RBFOX1: variants seen among roughly 807,000 people sequenced by gnomAD.
The protein encoded by RBFOX1 is RNA binding fox-1 homolog 1.
In RBFOX1, 8 loss-of-function variants were observed where a neutral mutation model predicts 57.7. The observed-to-expected ratio is 0.14, with a 90% confidence interval of 0.08 to 0.25. RBFOX1 has a LOEUF of 0.25. Among genes scored for constraint, RBFOX1 ranks in the 10% least tolerant of loss-of-function variants. The pLI is 1.00. For synonymous variants in RBFOX1, 326 were observed against 222.4 expected (o/e 1.47, Z -4.15); for missense variants, 611 against 548.5 (o/e 1.11, Z -1.14).
At chr16:6,195,872 T>G (rs2152819614) in intron 1 of RBFOX1, among the ~76,000 whole-genome samples, 1 of 152,226 alleles carries the variant, frequency 6.6e-6, no homozygotes, top group Middle Eastern at 3.4e-3. Context: ...TTTATGTGAT[T>G]TAGGAATCAT....
intron 2 of RBFOX1, among the ~76,000 whole-genome samples, chr16:6,610,580 T>G (rs543632616): frequency 6.6e-6 from 1 of 152,270 alleles, no homozygotes; most frequent in Non-Finnish European, 1.5e-5. Context: ...TCCTCCCACC[T>G]TAGCCTCCCG....
intron 2 of RBFOX1, among the ~76,000 whole-genome samples, chr16:6,413,370 C>T (rs2093526326): frequency 6.6e-6 from 1 of 151,102 alleles, no homozygotes; most frequent in African/African-American, 2.4e-5. Context: ...TGCTCTGTTG[C>T]CTTAGCTGGT....
intron 3 of RBFOX1, among the ~76,000 whole-genome samples, chr16:5,787,305 G>A (rs796775606): frequency 2.0e-5 from 3 of 152,266 alleles, no homozygotes; most frequent in Non-Finnish European, 4.4e-5. Context: ...CATCAGAGGT[G>A]TCCTCCAGTG....
chr16:7,142,582 T>C (rs1336037312), intron 4 of RBFOX1, among the ~76,000 whole-genome samples: 1 of 152,204 alleles, frequency 6.6e-6, no homozygotes, highest in East Asian at 1.9e-4. Context: ...CTCAATATTA[T>C]TTTCTCACTG....
At chr16:6,484,158 C>A (rs568996254) in intron 2 of RBFOX1, among the ~76,000 whole-genome samples, 2 of 152,060 alleles carry the variant, frequency 1.3e-5, no homozygotes, top group Non-Finnish European at 2.9e-5. Context: ...TATTAAGAAC[C>A]GATGTAAAAG....
chr16:6,676,151 CACACACACA>C (rs2154116275), intron 3 of RBFOX1, among the ~76,000 whole-genome samples: 1 of 111,164 alleles, frequency 9.0e-6, no homozygotes, highest in East Asian at 3.0e-4. Flanking sequence ...CGCACACACA[CACACACACA>C]CACACACACA....
chr16:6,939,571 G>C (rs1022768565), intron 3 of RBFOX1, among the ~76,000 whole-genome samples: 1 of 150,902 alleles, frequency 6.6e-6, no homozygotes, highest in South Asian at 2.1e-4. Context: ...AGTTCAGTGG[G>C]AGTGATTTCA....
At chr16:7,192,715 A>C (rs1410276203) in intron 4 of RBFOX1, among the ~76,000 whole-genome samples, 1 of 152,220 alleles carries the variant, frequency 6.6e-6, no homozygotes, top group Non-Finnish European at 1.5e-5. Context: ...GTTAAACATT[A>C]GGAGTGACTG....
chr16:6,918,402 C>T (rs1214832991), intron 3 of RBFOX1, among the ~76,000 whole-genome samples: 1 of 152,102 alleles, frequency 6.6e-6, no homozygotes, highest in East Asian at 1.9e-4. Flanking sequence ...GATTCTGGGG[C>T]CCACTAATAT....
chr16:5,666,828 C>G (rs2049860433), intron 3 of RBFOX1, among the ~76,000 whole-genome samples: 1 of 152,162 alleles, frequency 6.6e-6, no homozygotes, highest in South Asian at 2.1e-4. Context: ...TGGGGTAACT[C>G]CGGATTTTCA....
chr16:7,293,555 C>A (rs1485122889), intron 4 of RBFOX1, among the ~76,000 whole-genome samples: 3 of 152,072 alleles, frequency 2.0e-5, no homozygotes, highest in African/African-American at 7.2e-5. Flanking sequence ...TGTAATGGAA[C>A]CCAGAGACAG....
rs147856267 is a variant in RBFOX1, at chr16:7,656,140, T to A, written c.890+2193T>A. ...TCTAAAGCCATACTTGGAAGCAAGATCAAATTCTCAGCAGAGAAGCAGGAG... is the reference window on the plus strand; with the variant it reads ...TCTAAAGCCATACTTGGAAGCAAGAACAAATTCTCAGCAGAGAAGCAGGAG... On this transcript the variant is annotated intron_variant, in intron 12 of 15. Coordinates refer to ENST00000550418, the MANE Select transcript of RBFOX1 (RefSeq NM_018723.4). 1.2e-3 allele frequency among the ~76,000 whole-genome samples: 189 copies of A among 152,266 alleles called. 1 individual carries two copies. The East Asian group carries it at 0.028, about 22-fold the overall frequency.
chr16:7,027,984 C>T (rs574814877), intron 3 of RBFOX1, among the ~76,000 whole-genome samples: 11 of 150,870 alleles, frequency 7.3e-5, no homozygotes, highest in Admixed American at 1.3e-4. Flanking sequence ...GGTGGAAGGA[C>T]GAAAGGCAAG....
At chr16:7,369,201 C>T (rs1034185721) in intron 4 of RBFOX1, among the ~76,000 whole-genome samples, 2 of 151,940 alleles carry the variant, frequency 1.3e-5, no homozygotes, top group Non-Finnish European at 2.9e-5. Flanking sequence ...TTGCCACCTT[C>T]CCCCAGCCCA....
chr16:6,731,381 CAG>C (rs943972158), intron 3 of RBFOX1, among the ~76,000 whole-genome samples: 10 of 152,008 alleles, frequency 6.6e-5, no homozygotes, highest in African/African-American at 2.4e-4. Flanking sequence ...ACTTTAGAAA[CAG>C]GGGATCAGTG....
At chr16:5,597,186 G>GTGTCTGTCTATATCTT (rs2151197999) in intron 2 of RBFOX1, among the ~76,000 whole-genome samples, 3 of 151,926 alleles carry the variant, frequency 2.0e-5, no homozygotes, top group Middle Eastern at 6.8e-3. Context: ...TTTGATATCT[G>GTGTCTGTCTATATCTT]TGTCTGTCTA....
intron 2 of RBFOX1, among the ~76,000 whole-genome samples, chr16:6,609,021 C>T (rs987138770): frequency 6.6e-6 from 1 of 152,298 alleles, no homozygotes; most frequent in East Asian, 1.9e-4. Context: ...CTGACCTGAC[C>T]CTTCTGTCTC....
rs146487473 is a variant in RBFOX1 at position 6,369,036 on chromosome 16, A to T, written c.-64+51979A>T. Among the ~76,000 whole-genome samples, 1,267 of 152,320 alleles carry T rather than the reference A, an allele frequency of 8.3e-3. 18 individuals carry two copies. The highest frequency in any genetic ancestry group is 0.029 in the African/African-American group (1,198 of 41,570). ...TGCTTGTGTAAAATTGAAACTATGGAAAATAATGTGAAACAAATTAGTATA... is the reference window on the plus strand; with the variant it reads ...TGCTTGTGTAAAATTGAAACTATGGTAAATAATGTGAAACAAATTAGTATA... On this transcript the variant is annotated intron_variant, in intron 2 of 15. Transcript: ENST00000550418.
intron 4 of RBFOX1, among the ~76,000 whole-genome samples, chr16:7,346,713 C>G (rs1478902943): frequency 6.6e-6 from 1 of 152,102 alleles, no homozygotes; most frequent in Admixed American, 6.5e-5. Context: ...CCTCTTATCT[C>G]TGATCAATAA....
Sources: gnomAD v4.1 joint callset for allele counts (sites outside exome capture counted in the v4.1 genomes callset) on GRCh38, gnomAD v4.1.1 for gene constraint, MANE v1.5 for transcripts, NCBI Gene and HGNC (gene_info 2026-07-23, HGNC 2026-07-21) for gene names.